SDCBP2: variants seen among roughly 807,000 people sequenced by gnomAD.
SDCBP2 encodes syndecan binding protein 2, also known as syntenin-2.
In SDCBP2, 28 loss-of-function variants were observed where a neutral mutation model predicts 30.7. The ratio of observed to expected loss-of-function variants is 0.91; its 90% CI spans 0.68 to 1.25. The LOEUF is 1.25. SDCBP2 is among the 50% of genes most tolerant of loss of function. The pLI is 0.00. For missense variants in SDCBP2, 399 were observed against 379.0 expected, an observed-to-expected ratio of 1.05 and a Z score of -0.44; for synonymous variants, 166 against 157.3, an observed-to-expected ratio of 1.06 and a Z score of -0.41.
intron 7 of SDCBP2, among the ~76,000 whole-genome samples, chr20:1,311,924 G>C (rs1316319008): frequency 7.9e-6 from 1 of 126,106 alleles, no homozygotes; most frequent in African/African-American, 4.1e-5. Context: ...TTTGGAGACA[G>C]GGTCTCTCTC....
Position 1,313,467 on chromosome 20 carries a change from A to T in SDCBP2, c.257T>A (p.Met86Lys). The change falls in exon 5 of 9, where the codon ATG becomes AAG. Residue 86 changes from methionine to lysine, a missense_variant. Met to Lys is a moderately conservative substitution (Grantham distance 95). Transcript: ENST00000360779. This position sits in a 1 kb window ranked among gnomAD's most constrained non-coding sequence, Gnocchi z 5.2. ...TAVSGPGPGQ[M>K]VAPVTGYSLG... The stretch of plus-strand genomic sequence containing the variant: ...GCTGTACCCGGTTACCGGTGCCACC[A>T]TCTGGCCGGGCCCGGGGCCCGAGAC... The T allele has an allele frequency of 6.3e-7, 1 of 1,598,766 alleles. No homozygotes were observed. Among genetic ancestry groups the T allele is most frequent in the Non-Finnish European group, 8.5e-7 (1 of 1,175,270 alleles).
Position 1,319,638 on chromosome 20 carries a change from T to C in SDCBP2, c.76A>G (p.Lys26Glu), listed in dbSNP as rs750355460. The C allele has an allele frequency of 5.9e-5, 93 of 1,569,102 alleles. 1 individual carries two copies. In the African/African-American group the frequency reaches 6.7e-4, roughly 11 times the overall value. ...AIQAQVRASP[K>E]MPALPVQATA... is the part of the protein sequence containing the mutation. ...GCCTGGACTGGCAGGGCTGGCATCT[T>C]GGGTGAGGCTCTGACCTGGGCCTGG... The change falls in exon 3 of 9, where the codon AAG becomes GAG. Residue 26 changes from lysine (K) to glutamate (E), a missense_variant. Coordinates refer to ENST00000360779, the MANE Select transcript of SDCBP2 (RefSeq NM_080489.5).
At chr20:1,323,718 A>G (rs1287019818) in intron 1 of SDCBP2, 2 of 152,242 alleles carry the variant, frequency 1.3e-5, no homozygotes, top group African/African-American at 4.8e-5. Context: ...CATATAACTT[A>G]TGCACATTCT....
chr20:1,319,667 G>C lies in SDCBP2; in HGVS notation c.55-8C>G, dbSNP rs1396047746. 1.3e-6 allele frequency: 2 copies of C among 1,550,966 alleles called. No homozygotes were observed. Among genetic ancestry groups the C allele is most frequent in the African/African-American group, 2.7e-5 (2 of 73,922 alleles). On this transcript the variant is annotated splice_region_variant and splice_polypyrimidine_tract_variant and intron_variant, in intron 2 of 8. Transcript: ENST00000360779. Reference sequence around the variant, plus strand: ...TGAGGCTCTGACCTGGGCCTGGGGAGGAGCAGGGAGCACTGGTCAGCTGTG... The same window carrying C: ...TGAGGCTCTGACCTGGGCCTGGGGACGAGCAGGGAGCACTGGTCAGCTGTG...
At chr20:1,310,717 G>A (rs2088650692) in intron 8 of SDCBP2, 83 bp downstream of exon 8, 3 of 1,260,860 alleles carry the variant, frequency 2.4e-6, no homozygotes, top group South Asian at 1.3e-5. Flanking sequence ...GGAAGTGGCT[G>A]AGCCAGGTGC....
intron 1 of SDCBP2, chr20:1,323,135 C>G (rs2088870379): frequency 6.6e-6 from 1 of 152,154 alleles, no homozygotes; most frequent in Non-Finnish European, 1.5e-5. Context: ...CAGACCCTGC[C>G]CTAGCCTGGC....
Position 1,320,577 on chromosome 20 carries a change from A to C in SDCBP2, c.-19-142T>G. ...CAGGGCACTTAGAATGCCTCCCCGA[A>C]CTCCACCCCTAATCCCCTGTCGATA... On this transcript the variant is annotated intron_variant, in intron 1 of 8. Transcript: ENST00000360779. The surrounding 1 kb of genome is among the most constrained non-coding windows in gnomAD (Gnocchi z 4.7). 1.7e-6 allele frequency: 1 copy of C among 603,688 alleles called. No homozygotes were observed. The highest frequency in any genetic ancestry group is 3.0e-6 in the Non-Finnish European group (1 of 337,380). The allele number at this position is 603,688 out of a possible 1,614,324, so 37.4% of individuals were successfully genotyped here.
At chr20:1,318,277 G>A (rs2088807316) in intron 4 of SDCBP2, 41 bp downstream of exon 4, 1 of 1,342,154 alleles carries the variant, frequency 7.5e-7, no homozygotes, top group African/African-American at 1.4e-5. Context: ...GGGAGGATTG[G>A]GAGGTTCTGC....
chr20:1,311,019 G>T (rs991767282), intron 7 of SDCBP2, 128 bp from the exon 8 acceptor site: 1 of 644,488 alleles, frequency 1.6e-6, no homozygotes, highest in Non-Finnish European at 2.6e-6. Context: ...TGCAGGGCAG[G>T]GCTGCCTCGG....
chr20:1,325,410 C>G (rs1433702729), intron 1 of SDCBP2: 1 of 152,184 alleles, frequency 6.6e-6, no homozygotes, highest in Non-Finnish European at 1.5e-5. Flanking sequence ...CCCACGATCC[C>G]TAGCGGCTGC....
intron 1 of SDCBP2, among the ~76,000 whole-genome samples, chr20:1,328,350 T>C (rs1369865796): frequency 6.6e-6 from 1 of 151,988 alleles, no homozygotes; most frequent in Non-Finnish European, 1.5e-5. Flanking sequence ...CTGGCTGATG[T>C]TTGGAGGATG....
chr20:1,321,337 G>C lies in SDCBP2; in HGVS notation c.-19-902C>G, dbSNP rs1412344760. On this transcript the variant is annotated intron_variant, in intron 1 of 8. Coordinates refer to ENST00000360779, the MANE Select transcript of SDCBP2 (RefSeq NM_080489.5). The surrounding 1 kb of genome is among the most constrained non-coding windows in gnomAD (Gnocchi z 5.2). ...GGCTTCCCAGGATCAGATCCGCTGG[G>C]CACCTCCCTGAGTGACCACAGGCAC... 1 of 152,296 alleles carries C rather than the reference G, an allele frequency of 6.6e-6. No homozygotes were observed. The highest frequency in any genetic ancestry group is 2.4e-5 in the African/African-American group (1 of 41,408). The allele number at this position is 152,296 out of a possible 1,614,324, so 9.4% of individuals were successfully genotyped here. A position where few individuals can be genotyped will look rare whatever the true frequency, so the allele number is the denominator to read the frequency against.
intron 4 of SDCBP2, among the ~76,000 whole-genome samples, chr20:1,314,171 G>A (rs932214755): frequency 2.0e-5 from 3 of 152,112 alleles, no homozygotes; most frequent in Non-Finnish European, 4.4e-5. Flanking sequence ...TACTAACAAC[G>A]AACACATGTA....
chr20:1,325,432 T>C (rs1186610634), intron 1 of SDCBP2: 1 of 152,164 alleles, frequency 6.6e-6, no homozygotes, highest in Non-Finnish European at 1.5e-5. Context: ...GAGTGGAACA[T>C]GGCGGCCTCC....
chr20:1,310,565 T>A, intron 8 of SDCBP2, 70 bp from the exon 9 acceptor site: 1 of 1,471,330 alleles, frequency 6.8e-7, no homozygotes, highest in Non-Finnish European at 9.3e-7. Context: ...CTCCACCCCC[T>A]TCCGAGCCAG....
intron 1 of SDCBP2, chr20:1,323,712 T>C (rs2088879088): frequency 6.6e-6 from 1 of 152,258 alleles, no homozygotes; most frequent in Non-Finnish European, 1.5e-5. Flanking sequence ...TATTTGCATA[T>C]AACTTATGCA....
Position 1,313,636 on chromosome 20 carries a change from T to A in SDCBP2, c.226-138A>T, listed in dbSNP as rs944935382. On this transcript the variant is annotated intron_variant, in intron 4 of 8. Coordinates refer to ENST00000360779, the MANE Select transcript of SDCBP2 (RefSeq NM_080489.5). The surrounding 1 kb of genome is among the most constrained non-coding windows in gnomAD (Gnocchi z 5.2). ...CCCCCACGTCCCCAGTCCACGCTTC[T>A]CCCCTAGGGGCGAGAGGAGACGTGG... is the stretch of plus-strand genomic sequence containing the variant. 2.8e-6 allele frequency: 4 copies of A among 1,409,412 alleles called. No homozygotes were observed. The African/African-American group carries it at 4.4e-5, about 15-fold the overall frequency. The allele number at this position is 1,409,412 out of a possible 1,614,324, so 87.3% of individuals were successfully genotyped here. A position where few individuals can be genotyped will look rare whatever the true frequency, so the allele number is the denominator to read the frequency against.
chr20:1,320,514 C>T lies in SDCBP2; in HGVS notation c.-19-79G>A. 1 of 1,144,724 alleles carries T rather than the reference C, an allele frequency of 8.7e-7. No homozygotes were observed. The allele number at this position is 1,144,724 out of a possible 1,614,324, so 70.9% of individuals were successfully genotyped here. On this transcript the variant is annotated intron_variant, in intron 1 of 8. Coordinates refer to ENST00000360779, the MANE Select transcript of SDCBP2 (RefSeq NM_080489.5). The surrounding 1 kb of genome is among the most constrained non-coding windows in gnomAD (Gnocchi z 4.7). ...AAGGAGGCACAGACATCCGCAACAG[C>T]AAGCGGGTTGGAACTTAATATTCAA...
rs1157891818 is a variant in SDCBP2, at chr20:1,312,331, G to C, written c.732+6C>G. On this transcript the variant is annotated splice_donor_region_variant and intron_variant, in intron 7 of 8. Transcript: ENST00000360779. ...CAGTCCCTCCCTGGTGCGGCCACCAGCCTACCTTCAGCCCGATAACATTCT... is the reference window on the plus strand; with the variant it reads ...CAGTCCCTCCCTGGTGCGGCCACCACCCTACCTTCAGCCCGATAACATTCT... The C allele has an allele frequency of 6.2e-7, 1 of 1,611,948 alleles. No individual in the cohort carries two copies. The highest frequency in any genetic ancestry group is 2.2e-5 in the East Asian group (1 of 44,784).
Sources: allele counts gnomAD v4.1 joint callset (sites outside exome capture counted in the v4.1 genomes callset), GRCh38; gene constraint gnomAD v4.1.1; non-coding constraint Gnocchi (gnomAD v3.1); transcripts MANE v1.5; gene names NCBI Gene and HGNC (gene_info 2026-07-23, HGNC 2026-07-21).